Variants in RSPH14 observed in about 807,000 individuals in gnomAD.
The protein encoded by RSPH14 is rhabdoid tumor deletion region gene 1.
RSPH14 carries 20 observed loss-of-function variants against 26.7 expected under a neutral mutation model. The observed-to-expected ratio is 0.75, with a 90% CI of 0.53 to 1.09. RSPH14 has a LOEUF of 1.09. Ranked by LOEUF, RSPH14 falls within the 50% of genes least tolerant of loss-of-function variation. The pLI is 0.00. For synonymous variants in RSPH14, 177 were observed against 189.3 expected, an observed-to-expected ratio of 0.93 and a Z score of 0.53; for missense variants, 449 against 457.2, an observed-to-expected ratio of 0.98 and a Z score of 0.16.
At chr22:23,124,977 G>A (rs2070142427) in intron 4 of RSPH14, 1 of 152,358 alleles carries the variant, frequency 6.6e-6, no homozygotes, top group South Asian at 2.1e-4. Flanking sequence ...AGAAGCTGGG[G>A]ATTGGATGAA....
intron 5 of RSPH14, among the ~76,000 whole-genome samples, chr22:23,063,181 C>G (rs1044173543): frequency 2.6e-5 from 4 of 152,176 alleles, no homozygotes; most frequent in African/African-American, 9.7e-5. Flanking sequence ...CAGGAATCTG[C>G]ATTTTCACAA....
chr22:23,112,065 G>A (rs571726870), intron 4 of RSPH14, among the ~76,000 whole-genome samples: 23 of 152,194 alleles, frequency 1.5e-4, no homozygotes, highest in African/African-American at 5.3e-4. Flanking sequence ...GACAGGCACT[G>A]CCCCTGGCAT....
chr22:23,157,738 C>T, the RSPH14 span, among the ~76,000 whole-genome samples: 3 of 152,222 alleles, frequency 2.0e-5, no homozygotes, highest in Non-Finnish European at 1.5e-5. Context: ...CCCATGCGCT[C>T]GCTCCACGCC....
the RSPH14 span, among the ~76,000 whole-genome samples, chr22:23,176,787 C>A: frequency 6.6e-6 from 1 of 152,306 alleles, no homozygotes; most frequent in Non-Finnish European, 1.5e-5. Context: ...TCCCACCTCC[C>A]ACGCCCAACC....
Position 23,073,400 on chromosome 22 carries a change from C to T in RSPH14, c.422-9267G>A, listed in dbSNP as rs147188685. ...GCGGCCTGGGCAGAATGAAGAGGGA[C>T]GTGGGAGCACCCAGACTGTTGTGGC... On this transcript the variant is annotated intron_variant, in intron 4 of 6. Coordinates refer to ENST00000216036, the MANE Select transcript of RSPH14 (RefSeq NM_014433.3). Among the ~76,000 whole-genome samples the T allele has an allele frequency of 2.4e-3, 367 of 152,322 alleles. 2 individuals carry two copies. The highest frequency in any genetic ancestry group is 8.4e-3 in the African/African-American group (351 of 41,570).
intron 6 of RSPH14, among the ~76,000 whole-genome samples, chr22:23,061,559 G>C (rs1179903794): frequency 6.6e-6 from 1 of 152,164 alleles, no homozygotes; most frequent in East Asian, 1.9e-4. Flanking sequence ...CCAGGGAACA[G>C]ACTGGTGCGA....
At chr22:23,145,407 T>C (rs1601875943), upstream of RSPH14, 2 of 1,610,028 alleles carry the variant, frequency 1.2e-6, no homozygotes, top group East Asian at 2.2e-5. Flanking sequence ...GACGCGCCGC[T>C]GCCAGTCCAA....
At chr22:23,159,102 C>G in the RSPH14 span, 1 of 1,590,736 alleles carries the variant, frequency 6.3e-7, no homozygotes, top group East Asian at 2.3e-5. Context: ...AGCTGCCTAT[C>G]CCCCTGGGCC....
At chr22:23,084,231 G>T (rs950459617) in intron 4 of RSPH14, among the ~76,000 whole-genome samples, 1 of 152,160 alleles carries the variant, frequency 6.6e-6, no homozygotes, top group African/African-American at 2.4e-5. Context: ...AGTTTTTCAG[G>T]TTATGGTGCA....
At chr22:23,134,224 T>C (rs2070419333) in intron 3 of RSPH14, 80 bp from the exon 4 acceptor site, 13 of 1,058,260 alleles carry the variant, frequency 1.2e-5, no homozygotes, top group Non-Finnish European at 1.8e-5. Context: ...GGGTCCCTGC[T>C]GGAGTCTGAT....
intron 4 of RSPH14, among the ~76,000 whole-genome samples, chr22:23,066,113 T>G (rs1438784246): frequency 1.3e-5 from 2 of 152,160 alleles, no homozygotes; most frequent in Non-Finnish European, 2.9e-5. Context: ...GACCTTCTGT[T>G]AATTTTGCTG....
intron 4 of RSPH14, among the ~76,000 whole-genome samples, chr22:23,116,175 A>T (rs2069830480): frequency 6.6e-6 from 1 of 152,216 alleles, no homozygotes; most frequent in South Asian, 2.1e-4. Flanking sequence ...CTCCTCACTG[A>T]GGGGCACAGG....
intron 4 of RSPH14, among the ~76,000 whole-genome samples, chr22:23,128,304 G>A (rs1220640079): frequency 2.0e-5 from 3 of 152,144 alleles, no homozygotes; most frequent in Non-Finnish European, 4.4e-5. Context: ...TCACCGATAG[G>A]GACACTCTGG....
At chr22:23,159,167 G>C in the RSPH14 span, 1 of 1,611,284 alleles carries the variant, frequency 6.2e-7, no homozygotes, top group Middle Eastern at 1.7e-4. Context: ...TCCCAGTCAG[G>C]GGCCGCATGT....
At chr22:23,170,519 C>T in the RSPH14 span, among the ~76,000 whole-genome samples, 511 of 151,922 alleles carry the variant, frequency 3.4e-3, 4 homozygotes, top group Non-Finnish European at 5.3e-3. Context: ...CAGGCCGAGG[C>T]GGACAGACTG....
At chr22:23,080,689 C>T (rs919473837) in intron 4 of RSPH14, among the ~76,000 whole-genome samples, 8 of 152,228 alleles carry the variant, frequency 5.3e-5, no homozygotes, top group African/African-American at 1.2e-4. Flanking sequence ...CCCACAAACA[C>T]GGAGTCACAT....
intron 2 of RSPH14, among the ~76,000 whole-genome samples, chr22:23,139,161 A>C (rs1601867104): frequency 6.6e-6 from 1 of 152,226 alleles, no homozygotes; most frequent in Non-Finnish European, 1.5e-5. Context: ...CTCCCTGCAC[A>C]CTTCCTACCA....
intron 4 of RSPH14, chr22:23,131,132 G>A (rs1358342038): frequency 6.3e-6 from 1 of 158,420 alleles, no homozygotes; most frequent in Non-Finnish European, 1.4e-5. Flanking sequence ...GGAACAGTGT[G>A]CAGTGATGGA....
chr22:23,154,241 C>T, the RSPH14 span, among the ~76,000 whole-genome samples: 1 of 152,182 alleles, frequency 6.6e-6, no homozygotes, highest in African/African-American at 2.4e-5. Flanking sequence ...GCTAGCCCCG[C>T]CCCCCTCCTC....
Sources: gnomAD v4.1 joint callset for allele counts (sites outside exome capture counted in the v4.1 genomes callset) on GRCh38, gnomAD v4.1.1 for gene constraint, MANE v1.5 for transcripts, NCBI Gene and HGNC (gene_info 2026-07-23, HGNC 2026-07-21) for gene names.